Variants in DLG2 observed in about 807,000 individuals in gnomAD.
The protein encoded by DLG2 is discs large MAGUK scaffold protein 2, also known as disks large homolog 2.
In DLG2, 45 loss-of-function variants were observed where a neutral mutation model predicts 132.5. That is an observed-to-expected ratio of 0.34 (90% CI 0.27 to 0.44). DLG2 has a LOEUF of 0.44. DLG2 is among the 20% of genes least tolerant of loss of function. The pLI is 1.00. For synonymous variants in DLG2, 424 were observed against 419.6 expected (o/e 1.01, Z -0.13); for missense variants, 1,045 against 1,196.9 (o/e 0.87, Z 1.87).
intron 4 of DLG2, among the ~76,000 whole-genome samples, chr11:85,202,638 T>C (rs1167541988): frequency 6.6e-6 from 1 of 152,168 alleles, no homozygotes; most frequent in African/African-American, 2.4e-5. Flanking sequence ...ATAGATCATA[T>C]GTTAAGCCAC....
chr11:84,844,129 GTGTGTGTATATATATATATATA>G (rs1483290430), intron 6 of DLG2, among the ~76,000 whole-genome samples: 322 of 25,936 alleles, frequency 0.012, 5 homozygotes, highest in African/African-American at 0.035. Context: ...GTGTGTGTGT[GTGTGTGTATATATATATATATA>G]TATATATATA....
chr11:85,062,869 T>A lies in DLG2; in HGVS notation c.357+48792A>T, dbSNP rs114093701. 1.5e-3 allele frequency among the ~76,000 whole-genome samples: 227 copies of A among 151,778 alleles called. 2 individuals carry two copies. The highest frequency in any genetic ancestry group is 5.2e-3 in the African/African-American group (216 of 41,476). On this transcript the variant is annotated intron_variant, in intron 6 of 27. Coordinates refer to ENST00000376104, the MANE Select transcript of DLG2 (RefSeq NM_001142699.3). ...TGGTTTTTGAAATGAATAATCAACATAACAGAGAAATAAGCACACTAAGCA... is the reference window on the plus strand; with the variant it reads ...TGGTTTTTGAAATGAATAATCAACAAAACAGAGAAATAAGCACACTAAGCA...
intron 6 of DLG2, among the ~76,000 whole-genome samples, chr11:84,753,230 G>A (rs1337756240): frequency 1.3e-5 from 2 of 152,150 alleles, no homozygotes; most frequent in Admixed American, 1.3e-4. Context: ...ATGTTGGAAA[G>A]CTTTTGAAGC....
intron 18 of DLG2, chr11:83,652,067 A>G (rs2070697140): frequency 6.5e-6 from 2 of 306,220 alleles, no homozygotes; most frequent in Non-Finnish European, 6.6e-6. Flanking sequence ...TTTTCTCAGT[A>G]TAAATTAAAA....
At chr11:84,534,790 G>A in intron 6 of DLG2, 59 bp from the exon 7 acceptor site, 1 of 1,560,706 alleles carries the variant, frequency 6.4e-7, no homozygotes, top group Non-Finnish European at 8.8e-7. Context: ...AAAGGATATA[G>A]ACTGAACTTC....
chr11:84,640,527 G>C (rs2099657190), intron 6 of DLG2: 1 of 361,446 alleles, frequency 2.8e-6, no homozygotes, highest in Non-Finnish European at 5.2e-6. Flanking sequence ...TGGTATCTAT[G>C]TGTCTGAAAA....
intron 5 of DLG2, among the ~76,000 whole-genome samples, chr11:85,113,822 A>G (rs754475993): frequency 4.6e-5 from 7 of 151,980 alleles, no homozygotes; most frequent in Admixed American, 2.0e-4. Context: ...AGTTCTACCA[A>G]GAATTTAATA....
intron 4 of DLG2, among the ~76,000 whole-genome samples, chr11:85,272,803 C>T (rs1289658854): frequency 1.3e-5 from 2 of 152,144 alleles, no homozygotes; most frequent in Non-Finnish European, 2.9e-5. Flanking sequence ...CAAGACAATA[C>T]TAAGCAAAAA....
chr11:84,305,203 A>C (rs1052002739), intron 7 of DLG2, among the ~76,000 whole-genome samples: 6 of 152,238 alleles, frequency 3.9e-5, no homozygotes, highest in African/African-American at 1.4e-4. Flanking sequence ...GATGCTACAA[A>C]AATGAAAATA....
chr11:84,101,577 C>T (rs994225441), intron 9 of DLG2, among the ~76,000 whole-genome samples: 1 of 151,992 alleles, frequency 6.6e-6, no homozygotes, highest in African/African-American at 2.4e-5. Flanking sequence ...GTATATTTCA[C>T]GTACTGTATA....
rs115332587 is a variant in DLG2, at chr11:85,521,071, A to G, written c.40+77586T>C. ...GCAAAGAAACTAATAAACAAAGTGA[A>G]GAGACAACCAACATAATGGAGGAAA... On this transcript the variant is annotated intron_variant, in intron 3 of 27. Transcript: ENST00000376104. Among the ~76,000 whole-genome samples the G allele has an allele frequency of 7.8e-3, 1,184 of 152,336 alleles. 16 individuals carry two copies. Among genetic ancestry groups the G allele is most frequent in the African/African-American group, 0.027 (1,136 of 41,576 alleles).
chr11:85,056,589 G>C (rs955159835), intron 6 of DLG2, among the ~76,000 whole-genome samples: 12 of 151,934 alleles, frequency 7.9e-5, no homozygotes, highest in African/African-American at 2.9e-4. Flanking sequence ...AGCATTATAT[G>C]ATGTATAATG....
chr11:84,152,381 TTTG>T (rs1367946478), intron 9 of DLG2, among the ~76,000 whole-genome samples: 1 of 151,910 alleles, frequency 6.6e-6, no homozygotes, highest in African/African-American at 2.4e-5. Flanking sequence ...TCTGCTCTTT[TTTG>T]TTTTCTCTTT....
intron 8 of DLG2, among the ~76,000 whole-genome samples, chr11:84,243,017 C>CTCTCTCTCTCTCTCTCTATA (rs542476924): frequency 6.1e-4 from 87 of 142,198 alleles, no homozygotes; most frequent in Non-Finnish European, 8.9e-4. Context: ...CTCTCTCTCT[C>CTCTCTCTCTCTCTCTCTATA]TATATATATA....
intron 7 of DLG2, among the ~76,000 whole-genome samples, chr11:84,455,777 A>G (rs1157637422): frequency 6.6e-6 from 1 of 151,306 alleles, no homozygotes; most frequent in African/African-American, 2.4e-5. Context: ...CCAAATTAGG[A>G]CTCCACATCC....
At chr11:83,623,492 G>A (rs1349870997) in intron 19 of DLG2, among the ~76,000 whole-genome samples, 2 of 152,256 alleles carry the variant, frequency 1.3e-5, no homozygotes, top group East Asian at 3.9e-4. Context: ...CTCCATCTTC[G>A]AGATACTCAC....
rs1481554473 is a variant in DLG2 at position 85,552,233 on chromosome 11, C to G, written c.40+46424G>C. On this transcript the variant is annotated intron_variant, in intron 3 of 27. Transcript: ENST00000376104. ...AACTCCAATCTCACAACGAGTGGTG[C>G]TACAAGAATCTCAAACCAAAATATT... Among the ~76,000 whole-genome samples the G allele has an allele frequency of 4.6e-5, 7 of 151,530 alleles. No homozygotes were observed. In the East Asian group the frequency reaches 1.3e-3, roughly 29 times the overall value.
chr11:85,271,427 CCA>C (rs1235778822), intron 4 of DLG2, among the ~76,000 whole-genome samples: 2 of 152,230 alleles, frequency 1.3e-5, no homozygotes, highest in African/African-American at 4.8e-5. Flanking sequence ...GTGGGTGCCC[CCA>C]CACAGAGTCC....
intron 6 of DLG2, among the ~76,000 whole-genome samples, chr11:84,900,370 T>C (rs1258818574): frequency 6.6e-6 from 1 of 152,058 alleles, no homozygotes; most frequent in Non-Finnish European, 1.5e-5. Context: ...TATTCTGTAC[T>C]ATATTATGTG....
Sources: gnomAD v4.1 joint callset for allele counts (sites outside exome capture counted in the v4.1 genomes callset) on GRCh38, gnomAD v4.1.1 for gene constraint, MANE v1.5 for transcripts, NCBI Gene and HGNC (gene_info 2026-07-23, HGNC 2026-07-21) for gene names.